CRIM1: variants seen among roughly 807,000 people sequenced by gnomAD.
CRIM1 encodes the protein cysteine rich transmembrane BMP regulator 1.
In CRIM1, 32 loss-of-function variants were observed where a neutral mutation model predicts 116.4. The ratio of observed to expected loss-of-function variants is 0.27; its 90% CI spans 0.21 to 0.37. The LOEUF (loss-of-function observed/expected upper bound fraction) is 0.37, where lower values mean the gene tolerates loss of function less well. CRIM1 is among the 10% of genes least tolerant of loss of function. The pLI, the probability that CRIM1 is intolerant of heterozygous loss-of-function variation, is 1.00. For synonymous variants in CRIM1, 590 were observed against 509.2 expected, an observed-to-expected ratio of 1.16 and a Z score of -2.13; for missense variants, 1,331 against 1,354.8, an observed-to-expected ratio of 0.98 and a Z score of 0.28.
chr2:36,507,170 T>A (rs995699403), intron 8 of CRIM1, among the ~76,000 whole-genome samples: 11 of 152,182 alleles, frequency 7.2e-5, no homozygotes, highest in Non-Finnish European at 1.5e-4. Context: ...CTCCTCTTTA[T>A]TTAAATGTTT....
chr2:36,452,099 G>A (rs1676776857), intron 4 of CRIM1, among the ~76,000 whole-genome samples: 1 of 151,398 alleles, frequency 6.6e-6, no homozygotes, highest in Non-Finnish European at 1.5e-5. Context: ...CAGAGAAGAT[G>A]GCACTTAACA....
intron 1 of CRIM1, among the ~76,000 whole-genome samples, chr2:36,386,580 G>A (rs540237724): frequency 8.8e-4 from 134 of 152,254 alleles, no homozygotes; most frequent in African/African-American, 3.0e-3. Flanking sequence ...TCATGTGCTC[G>A]TCCTCTCTAT....
At chr2:36,513,807 C>T in intron 11 of CRIM1, 42 bp downstream of exon 11, 1 of 1,572,052 alleles carries the variant, frequency 6.4e-7, no homozygotes, top group Non-Finnish European at 8.7e-7. Context: ...AAGCAAATGA[C>T]TTCTGCCTTG....
At position 36,400,874 on chromosome 2, in the gene CRIM1, A is replaced by G. The variant is rs137975567; in HGVS notation, c.505+4087A>G. Among the ~76,000 whole-genome samples, 694 of 152,156 alleles carry G rather than the reference A, an allele frequency of 4.6e-3. 3 individuals are homozygous for G. Among genetic ancestry groups the G allele is most frequent in the African/African-American group, 0.016 (674 of 41,504 alleles). On this transcript the variant is annotated intron_variant, in intron 2 of 16. Coordinates refer to ENST00000280527, the MANE Select transcript of CRIM1 (RefSeq NM_016441.3). The stretch of plus-strand genomic sequence containing the variant: ...ATGATGGATGACCTGGCGAATTTAG[A>G]CTTGCTCTCGAATCTCTTACAGGAA...
chr2:36,518,122 T>A (rs1665148971), intron 12 of CRIM1, among the ~76,000 whole-genome samples: 1 of 152,224 alleles, frequency 6.6e-6, no homozygotes, highest in Non-Finnish European at 1.5e-5. Flanking sequence ...TCTCAGATAA[T>A]CTGACCTTAG....
At chr2:36,530,391 A>T (rs1313813656) in intron 13 of CRIM1, among the ~76,000 whole-genome samples, 2 of 152,088 alleles carry the variant, frequency 1.3e-5, no homozygotes, top group Admixed American at 6.6e-5. Flanking sequence ...TATGTTTTTT[A>T]AAAAAACAAG....
intron 2 of CRIM1, among the ~76,000 whole-genome samples, chr2:36,398,057 A>C (rs984550433): frequency 6.6e-6 from 1 of 152,206 alleles, no homozygotes; most frequent in African/African-American, 2.4e-5. Flanking sequence ...TGCCTGCCAC[A>C]AAAGGGTATT....
At chr2:36,421,267 T>A (rs10178905) in intron 2 of CRIM1, among the ~76,000 whole-genome samples, 674 of 152,320 alleles carry the variant, frequency 4.4e-3, no homozygotes, top group Non-Finnish European at 7.7e-3. Flanking sequence ...AATTTCCTTT[T>A]TGGGGGAGAA....
At chr2:36,529,225 C>T (rs1174963856) in intron 13 of CRIM1, 1 of 470,976 alleles carries the variant, frequency 2.1e-6, no homozygotes, top group Non-Finnish European at 4.4e-6. Context: ...GAGGGCCCAC[C>T]TGATAAGAAC....
chr2:36,398,640 A>T (rs1672208892), intron 2 of CRIM1, among the ~76,000 whole-genome samples: 1 of 152,252 alleles, frequency 6.6e-6, no homozygotes, highest in Admixed American at 6.5e-5. Flanking sequence ...ATTATTTCAG[A>T]TGGCTTCTAT....
chr2:36,549,754 T>TC lies in CRIM1; in HGVS notation c.*1054dup. 1 of 152,464 alleles carries TC rather than the reference T, an allele frequency of 6.6e-6. No homozygotes were observed. The highest frequency in any genetic ancestry group is 2.4e-5 in the African/African-American group (1 of 41,512). The allele number at this position is 152,464 out of a possible 1,614,324, so 9.4% of individuals were successfully genotyped here. A position where few individuals can be genotyped will look rare whatever the true frequency, so the allele number is the denominator to read the frequency against. On this transcript the variant is annotated 3_prime_UTR_variant, in exon 17 of 17. Transcript: ENST00000280527. The stretch of plus-strand genomic sequence containing the variant: ...GTTGAAGCTCAAAAAAAATGATGCC[T>TC]CTTTAAACTTTAGCAATTATAGGAG...
At position 36,381,096 on chromosome 2, in the gene CRIM1, C is replaced by A. The variant is rs565175229; in HGVS notation, c.332-15518C>A. On this transcript the variant is annotated intron_variant, in intron 1 of 16. Transcript: ENST00000280527. ...ACTTTTCCCTGCCAGCCTCCCTGCC[C>A]GCCTTCTTGCCCCCGCCCCTACCCC... Among the ~76,000 whole-genome samples the A allele has an allele frequency of 1.3e-4, 20 of 152,328 alleles. No homozygotes were observed. In the South Asian group the frequency reaches 4.1e-3, roughly 32 times the overall value.
At chr2:36,383,126 A>G (rs1670909577) in intron 1 of CRIM1, among the ~76,000 whole-genome samples, 1 of 152,216 alleles carries the variant, frequency 6.6e-6, no homozygotes. Flanking sequence ...TGAAAAATTT[A>G]TCTACTTAAC....
At chr2:36,516,459 C>T (rs1665037301) in intron 11 of CRIM1, among the ~76,000 whole-genome samples, 1 of 152,326 alleles carries the variant, frequency 6.6e-6, no homozygotes, top group Non-Finnish European at 1.5e-5. Flanking sequence ...CCCAGCCCCT[C>T]TTCAGACATT....
At chr2:36,379,036 C>G (rs1198456216) in intron 1 of CRIM1, 1 of 152,288 alleles carries the variant, frequency 6.6e-6, no homozygotes, top group South Asian at 2.1e-4. Context: ...GAGCTTTCAG[C>G]TAACATACAC....
intron 13 of CRIM1, among the ~76,000 whole-genome samples, chr2:36,531,270 A>G (rs917641167): frequency 5.9e-5 from 9 of 152,244 alleles, no homozygotes; most frequent in African/African-American, 2.2e-4. Flanking sequence ...GTATCTATGT[A>G]AGAAGTTGCC....
intron 2 of CRIM1, among the ~76,000 whole-genome samples, chr2:36,423,453 C>A (rs1674219821): frequency 1.3e-5 from 2 of 152,192 alleles, no homozygotes; most frequent in Admixed American, 6.5e-5. Flanking sequence ...TTAACAAGAT[C>A]TATGTGGTTG....
At chr2:36,435,062 A>G (rs1358376431) in intron 2 of CRIM1, among the ~76,000 whole-genome samples, 1 of 152,072 alleles carries the variant, frequency 6.6e-6, no homozygotes, top group Non-Finnish European at 1.5e-5. Flanking sequence ...CAGAATTGTA[A>G]TTCTCAAGGT....
At chr2:36,387,921 T>G (rs1432745905) in intron 1 of CRIM1, among the ~76,000 whole-genome samples, 1 of 152,212 alleles carries the variant, frequency 6.6e-6, no homozygotes, top group Non-Finnish European at 1.5e-5. Context: ...ACTTACTCTG[T>G]TGCTCTTTTT....
Sources: allele counts gnomAD v4.1 joint callset (sites outside exome capture counted in the v4.1 genomes callset), GRCh38; gene constraint gnomAD v4.1.1; transcripts MANE v1.5; gene names NCBI Gene and HGNC (gene_info 2026-07-23, HGNC 2026-07-21).